Variants in BTBD9 observed in about 807,000 individuals in gnomAD.
BTBD9 encodes the protein BTB domain containing 9, also known as BTB/POZ domain-containing protein 9.
Under a neutral mutation model 64.3 loss-of-function variants are expected in BTBD9, and 49 were observed. The observed-to-expected ratio is 0.76, with a 90% confidence interval of 0.61 to 0.97. BTBD9 has a LOEUF of 0.97. Ranked by LOEUF, BTBD9 falls within the 50% of genes least tolerant of loss-of-function variation. The pLI is 0.00. For synonymous variants in BTBD9, 260 were observed against 274.7 expected (o/e 0.95, Z 0.53); for missense variants, 598 against 762.1 (o/e 0.78, Z 2.53).
chr6:38,551,041 A>C (rs1396004158), intron 6 of BTBD9, among the ~76,000 whole-genome samples: 1 of 152,146 alleles, frequency 6.6e-6, no homozygotes, highest in Non-Finnish European at 1.5e-5. Context: ...ATTAATCTTC[A>C]GGTCTTTACT....
chr6:38,378,983 A>G (rs1330622118), intron 6 of BTBD9, among the ~76,000 whole-genome samples: 1 of 152,160 alleles, frequency 6.6e-6, no homozygotes, highest in Non-Finnish European at 1.5e-5. Flanking sequence ...TAGGGTGACC[A>G]TATAATTTAT....
At chr6:38,512,823 T>C (rs1454791049) in intron 6 of BTBD9, among the ~76,000 whole-genome samples, 2 of 152,182 alleles carry the variant, frequency 1.3e-5, no homozygotes, top group Non-Finnish European at 2.9e-5. Context: ...TGATAGAATT[T>C]TGTAGTTGAG....
intron 6 of BTBD9, among the ~76,000 whole-genome samples, chr6:38,556,304 T>C (rs1223218632): frequency 1.3e-5 from 2 of 152,194 alleles, no homozygotes; most frequent in East Asian, 3.8e-4. Flanking sequence ...TATTTGATCA[T>C]GAAAATGATT....
At chr6:38,624,366 C>T (rs973038682) in intron 1 of BTBD9, among the ~76,000 whole-genome samples, 10 of 152,228 alleles carry the variant, frequency 6.6e-5, no homozygotes, top group African/African-American at 2.2e-4. Flanking sequence ...ACCGTGCTAC[C>T]ACTCACTCTT....
At chr6:38,444,429 T>C (rs1769179979) in intron 6 of BTBD9, among the ~76,000 whole-genome samples, 1 of 152,222 alleles carries the variant, frequency 6.6e-6, no homozygotes, top group Non-Finnish European at 1.5e-5. Context: ...TCTCTTCCTC[T>C]AGAGAACTGG....
Position 38,342,882 on chromosome 6 carries a change from A to C in BTBD9, c.1264+2102T>G, listed in dbSNP as rs1400566188. Among the ~76,000 whole-genome samples the C allele has an allele frequency of 2.0e-5, 3 of 152,296 alleles. No individual in the cohort carries two copies. The East Asian group carries it at 5.8e-4, about 29-fold the overall frequency. ...ACCTCTGTAAGGTAAGCAGAGCTGC[A>C]ACGTCAGACAGAGGATAACGAAATC... On this transcript the variant is annotated intron_variant, in intron 7 of 10. Coordinates refer to ENST00000481247, the MANE Select transcript of BTBD9 (RefSeq NM_001099272.2).
chr6:38,178,825 T>C (rs1201603134), intron 10 of BTBD9, among the ~76,000 whole-genome samples: 1 of 152,036 alleles, frequency 6.6e-6, no homozygotes, highest in Non-Finnish European at 1.5e-5. Flanking sequence ...GGGATCCTGA[T>C]ACTCTTGGAC....
In BTBD9 at chr6:38,303,874, T is replaced by TACAC. The variant is rs1554137166; in HGVS notation, c.1265-15417_1265-15414dup. Among the ~76,000 whole-genome samples, 182 of 82,424 alleles carry TACAC rather than the reference T, an allele frequency of 2.2e-3. 2 individuals are homozygous for TACAC. The highest frequency in any genetic ancestry group is 6.7e-3 in the African/African-American group (139 of 20,704). 54.1% of individuals were successfully genotyped at this position (82,424 alleles called of 152,430 possible). A position where few individuals can be genotyped will look rare whatever the true frequency, so the allele number is the denominator to read the frequency against. ...ATATATATATATATATATATATATA[T>TACAC]ACACACACACACATGTGTATATATA... On this transcript the variant is annotated intron_variant, in intron 7 of 10. Transcript: ENST00000481247.
At chr6:38,383,067 G>C (rs1030721895) in intron 6 of BTBD9, among the ~76,000 whole-genome samples, 1 of 152,082 alleles carries the variant, frequency 6.6e-6, no homozygotes, top group African/African-American at 2.4e-5. Flanking sequence ...AACAAAATTA[G>C]ACAAGCACAA....
At chr6:38,330,680 CTA>C (rs1763641815) in intron 7 of BTBD9, among the ~76,000 whole-genome samples, 1 of 150,138 alleles carries the variant, frequency 6.7e-6, no homozygotes, top group Non-Finnish European at 1.5e-5. Context: ...ATTTGCAGCA[CTA>C]GAGAGCAAAA....
chr6:38,182,744 C>T (rs1706163034), intron 10 of BTBD9, among the ~76,000 whole-genome samples: 1 of 152,206 alleles, frequency 6.6e-6, no homozygotes, highest in African/African-American at 2.4e-5. Context: ...GCTGCTGTCT[C>T]CATGCGTCTC....
chr6:38,549,799 T>A (rs1319608256), intron 6 of BTBD9, among the ~76,000 whole-genome samples: 2 of 152,100 alleles, frequency 1.3e-5, no homozygotes, highest in African/African-American at 4.8e-5. Flanking sequence ...TATTCAGCTT[T>A]CCTCCCACCA....
At chr6:38,563,926 C>A in intron 6 of BTBD9, among the ~76,000 whole-genome samples, 1 of 151,914 alleles carries the variant, frequency 6.6e-6, no homozygotes, top group East Asian at 1.9e-4. Flanking sequence ...GGACTACAGG[C>A]GCCCGCCACC....
intron 7 of BTBD9, among the ~76,000 whole-genome samples, chr6:38,291,145 A>G (rs1014849755): frequency 6.6e-6 from 1 of 152,144 alleles, no homozygotes; most frequent in African/African-American, 2.4e-5. Flanking sequence ...TTCCCTAGAT[A>G]TTGCCAAATT....
intron 1 of BTBD9, among the ~76,000 whole-genome samples, chr6:38,598,785 C>T (rs1313128824): frequency 2.0e-5 from 3 of 152,054 alleles, no homozygotes; most frequent in East Asian, 1.9e-4. Context: ...GGCCTGGTGG[C>T]GCATGCCTGT....
intron 6 of BTBD9, among the ~76,000 whole-genome samples, chr6:38,498,739 G>A (rs571329976): frequency 3.3e-5 from 5 of 152,186 alleles, no homozygotes; most frequent in South Asian, 2.1e-4. Context: ...TCCTGTAAGC[G>A]TCACTATCCA....
chr6:38,183,622 A>G (rs75833992), intron 10 of BTBD9, among the ~76,000 whole-genome samples: 13,334 of 152,272 alleles, frequency 0.088, 818 homozygotes, highest in Non-Finnish European at 0.12. Flanking sequence ...TTTGATCATT[A>G]TCTGCAGGTA....
At chr6:38,263,545 G>A (rs1340182722) in intron 8 of BTBD9, among the ~76,000 whole-genome samples, 1 of 152,142 alleles carries the variant, frequency 6.6e-6, no homozygotes, top group Non-Finnish European at 1.5e-5. Flanking sequence ...CAAAAATTTA[G>A]AATTATGTGA....
At chr6:38,500,916 T>G (rs1772167185) in intron 6 of BTBD9, among the ~76,000 whole-genome samples, 1 of 152,232 alleles carries the variant, frequency 6.6e-6, no homozygotes, top group African/African-American at 2.4e-5. Context: ...GCAAAGGTTC[T>G]GCAGATCTCC....
Sources: gnomAD v4.1 joint callset for allele counts (sites outside exome capture counted in the v4.1 genomes callset) on GRCh38, gnomAD v4.1.1 for gene constraint, MANE v1.5 for transcripts, NCBI Gene and HGNC (gene_info 2026-07-23, HGNC 2026-07-21) for gene names.